Variants in RAB31 observed in about 807,000 individuals in gnomAD.
RAB31 encodes RAB31, member RAS oncogene family, also known as ras-related protein Rab-31.
RAB31 carries 21 observed loss-of-function variants against 25.6 expected under a neutral mutation model. That is an observed-to-expected ratio of 0.82 (90% CI 0.58 to 1.18). The LOEUF (loss-of-function observed/expected upper bound fraction) is 1.18. Among genes scored for constraint, RAB31 ranks in the 50% most tolerant of loss-of-function variants. The pLI is 0.00. For synonymous variants in RAB31, 87 were observed against 84.0 expected, an observed-to-expected ratio of 1.04 and a Z score of -0.20; for missense variants, 196 against 250.1, an observed-to-expected ratio of 0.78 and a Z score of 1.46.
At chr18:9,718,342 C>G (rs1368054866) in intron 1 of RAB31, among the ~76,000 whole-genome samples, 5 of 152,102 alleles carry the variant, frequency 3.3e-5, no homozygotes, top group Non-Finnish European at 1.5e-5. Flanking sequence ...TCACTGCAGC[C>G]TCTGCCTCCT....
intron 1 of RAB31, among the ~76,000 whole-genome samples, chr18:9,754,047 G>A (rs1174638303): frequency 6.6e-6 from 1 of 152,180 alleles, no homozygotes; most frequent in Non-Finnish European, 1.5e-5. Context: ...CAAGACAGGA[G>A]GGGTGCAGGG....
chr18:9,742,065 T>A (rs1187715362), intron 1 of RAB31, among the ~76,000 whole-genome samples: 6 of 152,160 alleles, frequency 3.9e-5, no homozygotes, highest in African/African-American at 1.4e-4. Flanking sequence ...AGAGTTGAGT[T>A]GACTGTCACT....
chr18:9,722,731 T>C (rs1204113351), intron 1 of RAB31: 2 of 152,184 alleles, frequency 1.3e-5, no homozygotes, highest in African/African-American at 4.8e-5. Context: ...CTAACCACTG[T>C]GATTATCCAG....
At chr18:9,803,491 A>T (rs561854556) in intron 3 of RAB31, among the ~76,000 whole-genome samples, 2 of 152,282 alleles carry the variant, frequency 1.3e-5, no homozygotes, top group East Asian at 3.9e-4. Context: ...GCAAACTGAG[A>T]TCCCGGCAAG....
intron 3 of RAB31, among the ~76,000 whole-genome samples, chr18:9,802,159 T>C (rs2068517016): frequency 6.6e-6 from 1 of 152,262 alleles, no homozygotes; most frequent in South Asian, 2.1e-4. Context: ...CTATTCTGTG[T>C]ATGTTGCATT....
At chr18:9,838,658 C>T (rs558193871) in intron 5 of RAB31, among the ~76,000 whole-genome samples, 1 of 152,170 alleles carries the variant, frequency 6.6e-6, no homozygotes, top group East Asian at 1.9e-4. Context: ...GTAGCACAGG[C>T]CTGTTGGAAA....
intron 3 of RAB31, among the ~76,000 whole-genome samples, chr18:9,810,080 G>A (rs539168283): frequency 6.6e-6 from 1 of 152,302 alleles, no homozygotes; most frequent in East Asian, 1.9e-4. Context: ...GACACACTGG[G>A]TTTTCACAGT....
At chr18:9,803,240 C>CT (rs60889612) in intron 3 of RAB31, among the ~76,000 whole-genome samples, 22,427 of 141,558 alleles carry the variant, frequency 0.16, 2,042 homozygotes, top group African/African-American at 0.27. Flanking sequence ...TTTTTCCTTT[C>CT]TTTTTTTTTT....
At chr18:9,852,970 T>C (rs1008360100) in intron 6 of RAB31, among the ~76,000 whole-genome samples, 2 of 152,238 alleles carry the variant, frequency 1.3e-5, no homozygotes, top group Non-Finnish European at 2.9e-5. Context: ...TGTTTGCATT[T>C]TCCTAATGAC....
intron 5 of RAB31, among the ~76,000 whole-genome samples, chr18:9,831,231 C>T (rs1047406206): frequency 1.3e-5 from 2 of 152,188 alleles, no homozygotes; most frequent in Non-Finnish European, 2.9e-5. Flanking sequence ...TTATGTTGTA[C>T]TTTGGGTTAT....
At position 9,709,373 on chromosome 18, in the gene RAB31, A is replaced by G. The variant is rs530410170; in HGVS notation, c.39+929A>G. Among the ~76,000 whole-genome samples, 11 of 152,268 alleles carry G rather than the reference A, an allele frequency of 7.2e-5. No homozygotes were observed. In the East Asian group the frequency reaches 2.1e-3, roughly 29 times the overall value. ...GGTTCTAAGGGCGTTTTCAGCAGCC[A>G]TTAGCATCTGGTGTACCCGCCCGTG... On this transcript the variant is annotated intron_variant, in intron 1 of 6. Transcript: ENST00000578921.
At chr18:9,734,162 G>T (rs1050176028) in intron 1 of RAB31, among the ~76,000 whole-genome samples, 8 of 151,710 alleles carry the variant, frequency 5.3e-5, no homozygotes, top group Non-Finnish European at 1.0e-4. Flanking sequence ...CAGGTCCTCA[G>T]GTACATAAGA....
At chr18:9,765,239 C>T (rs2068309834) in intron 1 of RAB31, among the ~76,000 whole-genome samples, 1 of 152,222 alleles carries the variant, frequency 6.6e-6, no homozygotes, top group African/African-American at 2.4e-5. Context: ...CAGGTGCGAG[C>T]CACCACACCC....
chr18:9,789,393 C>A (rs932593644), intron 2 of RAB31, among the ~76,000 whole-genome samples: 12 of 152,132 alleles, frequency 7.9e-5, no homozygotes, highest in Admixed American at 5.2e-4. Flanking sequence ...TGGGTGTTCA[C>A]AACACCAAGA....
At chr18:9,749,249 T>C (rs4798846) in intron 1 of RAB31, among the ~76,000 whole-genome samples, 69,606 of 152,114 alleles carry the variant, frequency 0.46, 16,000 homozygotes, top group South Asian at 0.52. Context: ...GTGCCAGCAC[T>C]GTTCTAACTG....
chr18:9,748,689 G>A (rs71362098), intron 1 of RAB31, among the ~76,000 whole-genome samples: 2,455 of 152,074 alleles, frequency 0.016, 24 homozygotes, highest in Non-Finnish European at 0.026. Flanking sequence ...TCAGGAGTTC[G>A]AGACCAGCCT....
chr18:9,755,720 T>C (rs924538965), intron 1 of RAB31, among the ~76,000 whole-genome samples: 7 of 152,204 alleles, frequency 4.6e-5, no homozygotes, highest in African/African-American at 1.7e-4. Context: ...TGTGAGGCTG[T>C]CTCTGTTTTC....
chr18:9,841,869 C>G (rs1016627061), intron 5 of RAB31, among the ~76,000 whole-genome samples: 8 of 152,194 alleles, frequency 5.3e-5, no homozygotes, highest in African/African-American at 1.9e-4. Flanking sequence ...GGGAAATTGG[C>G]TGTTACCTCT....
chr18:9,725,477 G>A (rs2068092497), intron 1 of RAB31, among the ~76,000 whole-genome samples: 3 of 152,192 alleles, frequency 2.0e-5, no homozygotes, highest in Admixed American at 2.0e-4. Context: ...TGCTAATAAA[G>A]GATGCTTCGA....
Sources: allele counts gnomAD v4.1 joint callset (sites outside exome capture counted in the v4.1 genomes callset), GRCh38; gene constraint gnomAD v4.1.1; transcripts MANE v1.5; gene names NCBI Gene and HGNC (gene_info 2026-07-23, HGNC 2026-07-21).